CDK6: variants seen among roughly 807,000 people sequenced by gnomAD.
CDK6 encodes the protein cyclin dependent kinase 6.
In CDK6, 6 loss-of-function variants were observed where a neutral mutation model predicts 37.1. The observed-to-expected ratio is 0.16, with a 90% CI of 0.09 to 0.32. The LOEUF (loss-of-function observed/expected upper bound fraction) is 0.32. Ranked by LOEUF, CDK6 falls within the 10% of genes least tolerant of loss-of-function variation. CDK6 has a pLI of 1.00. For missense variants in CDK6, 224 were observed against 418.9 expected (o/e 0.53, Z 4.06); for synonymous variants, 160 against 161.3 (o/e 0.99, Z 0.06).
At chr7:92,688,563 G>T (rs139117781) in intron 4 of CDK6, among the ~76,000 whole-genome samples, 1 of 142,368 alleles carries the variant, frequency 7.0e-6, no homozygotes, top group African/African-American at 2.6e-5. Flanking sequence ...CTCTTGAGGT[G>T]TATAGACTAC....
intron 4 of CDK6, among the ~76,000 whole-genome samples, chr7:92,707,903 G>T (rs1015555663): frequency 3.9e-5 from 6 of 152,220 alleles, no homozygotes; most frequent in African/African-American, 9.7e-5. Flanking sequence ...CAGATGAGCA[G>T]ATGGAGGAAG....
At chr7:92,660,646 T>G (rs1213191814) in intron 5 of CDK6, among the ~76,000 whole-genome samples, 2 of 152,094 alleles carry the variant, frequency 1.3e-5, no homozygotes, top group African/African-American at 4.8e-5. Flanking sequence ...TGGGTGACTG[T>G]TAAAGGCAGC....
At chr7:92,764,690 T>G (rs899365817) in intron 3 of CDK6, among the ~76,000 whole-genome samples, 1 of 152,224 alleles carries the variant, frequency 6.6e-6, no homozygotes, top group South Asian at 2.1e-4. Context: ...CAGATTCTCA[T>G]AACTGGCACT....
At chr7:92,647,364 A>C (rs755687216) in intron 5 of CDK6, among the ~76,000 whole-genome samples, 1 of 152,216 alleles carries the variant, frequency 6.6e-6, no homozygotes, top group African/African-American at 2.4e-5. Flanking sequence ...CTGGGTCAGG[A>C]AAGGTTTCTT....
At chr7:92,793,413 A>G (rs1800329605) in intron 2 of CDK6, among the ~76,000 whole-genome samples, 1 of 152,190 alleles carries the variant, frequency 6.6e-6, no homozygotes, top group Non-Finnish European at 1.5e-5. Context: ...AAACAGATCA[A>G]TGAAATATAA....
rs1278409813 is a variant in CDK6 at position 92,792,207 on chromosome 7, C to T, written c.234-17376G>A. ...ACAACTAACAAATATTGACTGAGCA[C>T]ATTATACTCTTCAGCTGTCTATCAG... On this transcript the variant is annotated intron_variant, in intron 2 of 7. Transcript: ENST00000424848. Among the ~76,000 whole-genome samples the T allele has an allele frequency of 2.0e-5, 3 of 152,130 alleles. No homozygotes were observed. In the East Asian group the frequency reaches 5.8e-4, roughly 29 times the overall value.
At chr7:92,678,706 G>C (rs1409987881) in intron 4 of CDK6, among the ~76,000 whole-genome samples, 1 of 152,188 alleles carries the variant, frequency 6.6e-6, no homozygotes, top group African/African-American at 2.4e-5. Context: ...TGGCAGAAAA[G>C]CATGGTATGA....
At chr7:92,801,723 A>G (rs1236534477) in intron 2 of CDK6, among the ~76,000 whole-genome samples, 1 of 151,378 alleles carries the variant, frequency 6.6e-6, no homozygotes, top group Non-Finnish European at 1.5e-5. Context: ...CCAGGCTCAA[A>G]CAATCCTCCC....
rs921174769 is a variant in CDK6, at chr7:92,704,147, A to G, written c.537+21479T>C. Among the ~76,000 whole-genome samples, 3 of 152,262 alleles carry G rather than the reference A, an allele frequency of 2.0e-5. No individual in the cohort carries two copies. In the East Asian group the frequency reaches 5.8e-4, roughly 29 times the overall value. On this transcript the variant is annotated intron_variant, in intron 4 of 7. Coordinates refer to ENST00000424848, the MANE Select transcript of CDK6 (RefSeq NM_001145306.2). ...CCCCTCTAAAATAGATTCCCGGTGT[A>G]TCGCACTCTATTGCACTGCTGGGCC...
intron 3 of CDK6, among the ~76,000 whole-genome samples, chr7:92,759,850 G>A (rs975164197): frequency 1.6e-4 from 25 of 152,132 alleles, no homozygotes; most frequent in African/African-American, 6.0e-4. Context: ...ATACAAACAT[G>A]TTGCTGTATG....
chr7:92,633,624 CTTT>C (rs540735364), intron 5 of CDK6, among the ~76,000 whole-genome samples: 6 of 133,568 alleles, frequency 4.5e-5, no homozygotes, highest in Non-Finnish European at 3.3e-5. Context: ...CAAAGCTAGC[CTTT>C]TTTTTTTTTT....
intron 3 of CDK6, 71 bp downstream of exon 3, chr7:92,774,625 G>A (rs1799800926): frequency 1.5e-6 from 2 of 1,332,398 alleles, no homozygotes; most frequent in Non-Finnish European, 2.0e-6. Flanking sequence ...TTTTCATAAG[G>A]AAAGAAAGCC....
rs1437906942 is a variant in CDK6 at position 92,607,620 on chromosome 7, T to G, written c.*7520A>C. 1 of 232,786 alleles carries G rather than the reference T, an allele frequency of 4.3e-6. No individual in the cohort carries two copies. The highest frequency in any genetic ancestry group is 8.5e-6 in the Non-Finnish European group (1 of 117,892). The allele number at this position is 232,786 out of a possible 1,614,324, so 14.4% of individuals were successfully genotyped here. A position where few individuals can be genotyped will look rare whatever the true frequency, so the allele number is the denominator to read the frequency against. ...CATTAGATGCAAAATCCTAACACTTTCTGCCTTCAGTTGTACTTTCACAGG... is the reference window on the plus strand; with the variant it reads ...CATTAGATGCAAAATCCTAACACTTGCTGCCTTCAGTTGTACTTTCACAGG... On this transcript the variant is annotated 3_prime_UTR_variant, in exon 8 of 8. Coordinates refer to ENST00000424848, the MANE Select transcript of CDK6 (RefSeq NM_001145306.2).
At chr7:92,719,960 T>C (rs1798327931) in intron 4 of CDK6, among the ~76,000 whole-genome samples, 1 of 152,200 alleles carries the variant, frequency 6.6e-6, no homozygotes, top group South Asian at 2.1e-4. Flanking sequence ...GTTGCAATTA[T>C]GGACTTGGGT....
In CDK6 at chr7:92,692,413, T is replaced by C. The variant is rs557017195; in HGVS notation, c.538-20878A>G. ...ATGAGTGCCTGTTTTACTCCAAAGA[T>C]AAGTCCATATACACCAATCACAGTA... On this transcript the variant is annotated intron_variant, in intron 4 of 7. Coordinates refer to ENST00000424848, the MANE Select transcript of CDK6 (RefSeq NM_001145306.2). 5.9e-5 allele frequency among the ~76,000 whole-genome samples: 9 copies of C among 152,344 alleles called. 1 individual carries two copies. In the South Asian group the frequency reaches 1.5e-3, roughly 25 times the overall value.
At chr7:92,819,803 C>T (rs1380089745) in intron 2 of CDK6, among the ~76,000 whole-genome samples, 1 of 151,794 alleles carries the variant, frequency 6.6e-6, no homozygotes, top group Non-Finnish European at 1.5e-5. Context: ...AGAGTAAATT[C>T]AGTAGACATT....
intron 2 of CDK6, among the ~76,000 whole-genome samples, chr7:92,784,112 A>C (rs1584086844): frequency 6.6e-6 from 1 of 152,166 alleles, no homozygotes; most frequent in African/African-American, 2.4e-5. Flanking sequence ...GCCACAAAGA[A>C]GGCATATCAT....
chr7:92,608,630 G>GC lies in CDK6; in HGVS notation c.*6509dup, dbSNP rs952652728. 4.3e-6 allele frequency: 1 copy of GC among 231,900 alleles called. No homozygotes were observed. The highest frequency in any genetic ancestry group is 8.5e-6 in the Non-Finnish European group (1 of 117,174). The allele number at this position is 231,900 out of a possible 1,614,324, so 14.4% of individuals were successfully genotyped here. A position where few individuals can be genotyped will look rare whatever the true frequency, so the allele number is the denominator to read the frequency against. The stretch of plus-strand genomic sequence containing the variant: ...AGCTTCACACAGGGCAGCTGCTACC[G>GC]CATCTCTTTTTACCCGAACTTTCGG... On this transcript the variant is annotated 3_prime_UTR_variant, in exon 8 of 8. Coordinates refer to ENST00000424848, the MANE Select transcript of CDK6 (RefSeq NM_001145306.2).
At chr7:92,728,833 C>T (rs1290591225) in intron 3 of CDK6, among the ~76,000 whole-genome samples, 2 of 152,000 alleles carry the variant, frequency 1.3e-5, no homozygotes, top group Non-Finnish European at 1.5e-5. Flanking sequence ...GAATTCTGAA[C>T]CAATGAACAC....
Sources: gnomAD v4.1 joint callset for allele counts (sites outside exome capture counted in the v4.1 genomes callset) on GRCh38, gnomAD v4.1.1 for gene constraint, MANE v1.5 for transcripts, NCBI Gene and HGNC (gene_info 2026-07-23, HGNC 2026-07-21) for gene names.